Variants in MEGF8 observed in about 807,000 individuals in gnomAD.
MEGF8 encodes multiple epidermal growth factor-like domains protein 8.
MEGF8 carries 156 observed loss-of-function variants against 302.9 expected under a neutral mutation model. The observed-to-expected ratio is 0.52, with a 90% CI of 0.45 to 0.59. The LOEUF (loss-of-function observed/expected upper bound fraction) is 0.59. Ranked by LOEUF, MEGF8 falls within the 20% of genes least tolerant of loss-of-function variation. The pLI, the probability that MEGF8 is intolerant of heterozygous loss-of-function variation, is 0.00. For synonymous variants in MEGF8, 1,621 were observed against 1,660.5 expected (o/e 0.98, Z 0.58); for missense variants, 3,345 against 3,964.5 (o/e 0.84, Z 4.20).
Position 42,354,261 on chromosome 19 carries a change from A to G in MEGF8, c.4011+237A>G, listed in dbSNP as rs1322533396. 2.6e-5 allele frequency among the ~76,000 whole-genome samples: 4 copies of G among 151,668 alleles called. No individual in the cohort carries two copies. Among genetic ancestry groups the G allele is most frequent in the Non-Finnish European group, 5.9e-5 (4 of 67,958 alleles). The stretch of plus-strand genomic sequence containing the variant: ...TCAGCTCCCATCTCCAATTCTCCAG[A>G]TTCTCAATCTCCCCATTCCTAGAGC... On this transcript the variant is annotated intron_variant, in intron 22 of 41. Coordinates refer to ENST00000251268, the MANE Select transcript of MEGF8 (RefSeq NM_001271938.2). This position sits in a 1 kb window ranked among gnomAD's most constrained non-coding sequence, Gnocchi z 4.3.
At position 42,357,004 on chromosome 19, in the gene MEGF8, C is replaced by T; in HGVS notation, c.4830+23C>T. 1 of 1,549,326 alleles carries T rather than the reference C, an allele frequency of 6.5e-7. No homozygotes were observed. The highest frequency in any genetic ancestry group is 8.7e-7 in the Non-Finnish European group (1 of 1,146,378). ...AAGGTGAGCATCTCTCCCCAGCCCA[C>T]TCCCCAGCCCTCACACTGGGCCCTG... is the stretch of plus-strand genomic sequence containing the variant. On this transcript the variant is annotated intron_variant, in intron 27 of 41. Coordinates refer to ENST00000251268, the MANE Select transcript of MEGF8 (RefSeq NM_001271938.2). This position sits in a 1 kb window ranked among gnomAD's most constrained non-coding sequence, Gnocchi z 5.2.
chr19:42,347,362 G>C (rs1022345301), intron 12 of MEGF8, among the ~76,000 whole-genome samples: 17 of 148,974 alleles, frequency 1.1e-4, no homozygotes, highest in Non-Finnish European at 1.9e-4. Context: ...TATCGCCCAG[G>C]CTGGAGTGCA....
At position 42,369,037 on chromosome 19, in the gene MEGF8, T is replaced by C. The variant is rs1474912270; in HGVS notation, c.6641+35T>C. ...CAGGCGGCGCTGGGGCCAGGCAGGC[T>C]AGGGTGGGAGAGTCTGTGGGGAGCA... On this transcript the variant is annotated intron_variant, in intron 37 of 41. Transcript: ENST00000251268. The surrounding 1 kb of genome is among the most constrained non-coding windows in gnomAD (Gnocchi z 5.7). The C allele has an allele frequency of 2.5e-6, 4 of 1,607,262 alleles. No homozygotes were observed. The highest frequency in any genetic ancestry group is 1.7e-4 in the Middle Eastern group (1 of 6,042).
chr19:42,341,343 C>T (rs555134269), intron 8 of MEGF8, among the ~76,000 whole-genome samples: 6 of 149,570 alleles, frequency 4.0e-5, no homozygotes, highest in African/African-American at 1.2e-4. Context: ...GCAGGAGAAT[C>T]GCTTGAACCC....
chr19:42,361,130 C>T (rs564647845), intron 32 of MEGF8, 124 bp downstream of exon 32: 25 of 1,060,876 alleles, frequency 2.4e-5, no homozygotes, highest in Admixed American at 6.6e-5. Context: ...GGTGAATCAC[C>T]GCAGGCAGGG....
rs769560341 is a variant in MEGF8 at position 42,352,400 on chromosome 19, C to T, written c.3294C>T (p.Tyr1098=). Residue 1098 remains tyrosine (Y), a synonymous_variant, in exon 19 of 42, where the codon TAC becomes TAT. Transcript: ENST00000251268. This position sits in a 1 kb window ranked among gnomAD's most constrained non-coding sequence, Gnocchi z 4.4. ...RATCLNTPLS[Y]ECHCQRGYQG... is the part of the protein sequence containing the mutation. Reference sequence around the variant, plus strand: ...CCTGCCTGAACACGCCCCTCAGCTACGAGTGTCACTGCCAGCGGGGCTACC... The same window carrying T: ...CCTGCCTGAACACGCCCCTCAGCTATGAGTGTCACTGCCAGCGGGGCTACC... 2.1e-5 allele frequency: 33 copies of T among 1,598,110 alleles called. No homozygotes were observed. Among genetic ancestry groups the T allele is most frequent in the East Asian group, 4.5e-5 (2 of 44,150 alleles).
chr19:42,345,120 C>T (rs556206159), intron 12 of MEGF8, among the ~76,000 whole-genome samples: 1 of 152,134 alleles, frequency 6.6e-6, no homozygotes, highest in Admixed American at 6.5e-5. Flanking sequence ...TACAGATGCC[C>T]GCCACTGCGC....
rs777672123 is a variant in MEGF8, at chr19:42,344,069, G to A, written c.1784G>A (p.Gly595Glu). ...GCACCCCCTCCTGGGACCCCCTTGG[G>A]GGCTGTGAGTGACAGCCCTAGACCC... ...QAAPPPGTPLGACPAASCLGL... is the reference protein window; with the variant it reads ...QAAPPPGTPLEACPAASCLGL... The change falls in exon 10 of 42, where the codon GGG becomes GAG. Residue 595 changes from glycine (G) to glutamate (E), a missense_variant. Physicochemically the swap from Gly to Glu is moderately conservative, Grantham distance 98. Transcript: ENST00000251268. The surrounding 1 kb of genome is among the most constrained non-coding windows in gnomAD (Gnocchi z 4.5). The A allele has an allele frequency of 1.2e-6, 2 of 1,613,198 alleles. No individual in the cohort carries two copies. The highest frequency in any genetic ancestry group is 2.2e-5 in the South Asian group (2 of 91,084).
chr19:42,351,234 C>A lies in MEGF8; in HGVS notation c.2755C>A (p.His919Asn). ...CCCCCAGGACCCCTTCTGTGAGTGG[C>A]ATCAGAGCACCAGCCGCAAAGGGGA... Reference protein sequence around the residue: ...ACTQDPFCEWHQSTSRKGDAA... With the variant: ...ACTQDPFCEWNQSTSRKGDAA... Residue 919 changes from histidine (H) to asparagine (N), a missense_variant, in exon 16 of 42, where the codon CAT becomes AAT. Coordinates refer to ENST00000251268, the MANE Select transcript of MEGF8 (RefSeq NM_001271938.2). The surrounding 1 kb of genome is among the most constrained non-coding windows in gnomAD (Gnocchi z 5.6). 6.4e-7 allele frequency: 1 copy of A among 1,563,546 alleles called. No homozygotes were observed. Among genetic ancestry groups the A allele is most frequent in the East Asian group, 2.4e-5 (1 of 42,098 alleles).
chr19:42,364,211 T>C (rs1310383745), intron 35 of MEGF8, among the ~76,000 whole-genome samples: 4 of 152,154 alleles, frequency 2.6e-5, no homozygotes, highest in African/African-American at 9.7e-5. Flanking sequence ...CATGCTCTCT[T>C]GTTTCCAGAA....
chr19:42,356,162 G>C lies in MEGF8; in HGVS notation c.4472G>C (p.Trp1491Ser), dbSNP rs750229800. Residue 1491 changes from tryptophan to serine, a missense_variant, in exon 25 of 42, where the codon TGG (tryptophan) becomes TCG (serine). Physicochemically the swap from Trp to Ser is radical, Grantham distance 177. Coordinates refer to ENST00000251268, the MANE Select transcript of MEGF8 (RefSeq NM_001271938.2). The surrounding 1 kb of genome is among the most constrained non-coding windows in gnomAD (Gnocchi z 5.2). ...ATKLDGGQLV[W>S]ETLMDSRLSA... Reference sequence around the variant, plus strand: ...AAGCTGGATGGCGGGCAGCTGGTCTGGGAGACCCTCATGGACAGCCGCCTC... The same window carrying C: ...AAGCTGGATGGCGGGCAGCTGGTCTCGGAGACCCTCATGGACAGCCGCCTC... The C allele has an allele frequency of 7.0e-6, 11 of 1,561,322 alleles. No homozygotes were observed. In the East Asian group the frequency reaches 2.1e-4, roughly 30 times the overall value.
Position 42,344,012 on chromosome 19 carries a change from A to C in MEGF8, c.1727A>C (p.Glu576Ala). 1 of 1,613,748 alleles carries C rather than the reference A, an allele frequency of 6.2e-7. No individual in the cohort carries two copies. Among genetic ancestry groups the C allele is most frequent in the South Asian group, 1.1e-5 (1 of 91,080 alleles). Residue 576 changes from glutamate to alanine, a missense_variant, in exon 10 of 42, where the codon GAA becomes GCA. Transcript: ENST00000251268. This position sits in a 1 kb window ranked among gnomAD's most constrained non-coding sequence, Gnocchi z 4.5. ...CACAGCGTCTGCTCCCGGGACCCGG[A>C]ATGCAGTTGGTGCCAAGGAGCCTGC... ...TDHSVCSRDP[E>A]CSWCQGACQA...
chr19:42,376,511 C>A lies in MEGF8; in HGVS notation c.8274C>A (p.Ala2758=). Residue 2758 remains alanine, a synonymous_variant, in exon 42 of 42, where the codon GCC becomes GCA. Coordinates refer to ENST00000251268, the MANE Select transcript of MEGF8 (RefSeq NM_001271938.2). The surrounding 1 kb of genome is among the most constrained non-coding windows in gnomAD (Gnocchi z 8.2). ...GCTGCTGCCCACCAGCCATCCCCGC[C>A]ACCACTGCTGGGCTGCGAGCTGGGC... is the stretch of plus-strand genomic sequence containing the variant. ...GGGCCPPAIP[A]TTAGLRAGPI... is the part of the protein sequence containing the mutation. 1.3e-6 allele frequency: 2 copies of A among 1,582,204 alleles called. No individual in the cohort carries two copies. Among genetic ancestry groups the A allele is most frequent in the Non-Finnish European group, 1.7e-6 (2 of 1,167,246 alleles).
intron 41 of MEGF8, among the ~76,000 whole-genome samples, chr19:42,372,478 C>G (rs1484118685): frequency 1.3e-5 from 2 of 152,116 alleles, no homozygotes; most frequent in Non-Finnish European, 1.5e-5. Context: ...CTCCCCGCCA[C>G]CTTCTCTCTC....
At position 42,356,474 on chromosome 19, in the gene MEGF8, G is replaced by A. The variant is rs200938551; in HGVS notation, c.4622+21G>A. ...TACAGGTGAGGACTGCCCTGGGCAG[G>A]TGGGATTCGCAAATAAGAGAAGGTC... is the stretch of plus-strand genomic sequence containing the variant. On this transcript the variant is annotated intron_variant, in intron 26 of 41. Transcript: ENST00000251268. This position sits in a 1 kb window ranked among gnomAD's most constrained non-coding sequence, Gnocchi z 5.2. 1 of 1,544,644 alleles carries A rather than the reference G, an allele frequency of 6.5e-7. No individual in the cohort carries two copies. The highest frequency in any genetic ancestry group is 8.7e-7 in the Non-Finnish European group (1 of 1,144,336).
Position 42,352,848 on chromosome 19 carries a change from A to G in MEGF8, c.3351-80A>G. ...AACAGCCAGTGGCTTTGATGGTGTC[A>G]TGGTGGGTGGAGATGATGGGGTGCT... On this transcript the variant is annotated intron_variant, in intron 19 of 41. Transcript: ENST00000251268. The surrounding 1 kb of genome is among the most constrained non-coding windows in gnomAD (Gnocchi z 4.4). 1.9e-6 allele frequency: 2 copies of G among 1,068,996 alleles called. No individual in the cohort carries two copies. Among genetic ancestry groups the G allele is most frequent in the African/African-American group, 1.6e-5 (1 of 63,578 alleles). 66.2% of individuals were successfully genotyped at this position (1,068,996 alleles called of 1,614,324 possible).
Position 42,362,407 on chromosome 19 carries a change from G to T in MEGF8, c.5868G>T (p.Trp1956Cys), listed in dbSNP as rs1205847294. 13 of 1,613,840 alleles carry T rather than the reference G, an allele frequency of 8.1e-6. No individual in the cohort carries two copies. The highest frequency in any genetic ancestry group is 1.1e-5 in the Non-Finnish European group (13 of 1,179,890). ...AGGCGTCCACCCCCCGCTGTAAGTGGTGTACCAACTGCCCCGAAGGTGCTT... is the reference window on the plus strand; with the variant it reads ...AGGCGTCCACCCCCCGCTGTAAGTGTTGTACCAACTGCCCCGAAGGTGCTT... ...DGEASTPRCK[W>C]CTNCPEGACI... The change falls in exon 34 of 42, where the codon TGG becomes TGT. Residue 1956 changes from tryptophan (W) to cysteine (C), a missense_variant. Transcript: ENST00000251268.
rs1200394487 is a variant in MEGF8, at chr19:42,353,394, G to C, written c.3551-71G>C. The stretch of plus-strand genomic sequence containing the variant: ...AGCGGCTGGGTGGGGTCAGGGTTTA[G>C]CTGAGCCAGTAGGCCTGGGCCTGTT... On this transcript the variant is annotated intron_variant, in intron 20 of 41. Transcript: ENST00000251268. This position sits in a 1 kb window ranked among gnomAD's most constrained non-coding sequence, Gnocchi z 6.1. The C allele has an allele frequency of 3.3e-6, 5 of 1,525,038 alleles. No homozygotes were observed. Among genetic ancestry groups the C allele is most frequent in the Middle Eastern group, 2.3e-4 (1 of 4,282 alleles). 94.5% of individuals were successfully genotyped at this position (1,525,038 alleles called of 1,614,324 possible). A position where few individuals can be genotyped will look rare whatever the true frequency, so the allele number is the denominator to read the frequency against.
chr19:42,336,291 C>G lies in MEGF8; in HGVS notation c.1189C>G (p.His397Asp). The change falls in exon 6 of 42, where the codon CAT becomes GAT. Residue 397 changes from histidine to aspartate, a missense_variant. Coordinates refer to ENST00000251268, the MANE Select transcript of MEGF8 (RefSeq NM_001271938.2). The surrounding 1 kb of genome is among the most constrained non-coding windows in gnomAD (Gnocchi z 4.8). ...PAATGHSMVF[H>D]APSRALLVHG... is the part of the protein sequence containing the mutation. ...TGCCACTGGCCACTCCATGGTGTTCCATGCCCCCTCCCGTGCCCTGCTGGT... is the reference window on the plus strand; with the variant it reads ...TGCCACTGGCCACTCCATGGTGTTCGATGCCCCCTCCCGTGCCCTGCTGGT... The G allele has an allele frequency of 1.2e-6, 2 of 1,608,150 alleles. No homozygotes were observed. Among genetic ancestry groups the G allele is most frequent in the Non-Finnish European group, 1.7e-6 (2 of 1,179,600 alleles).
Sources: gnomAD v4.1 joint callset for allele counts (sites outside exome capture counted in the v4.1 genomes callset) on GRCh38, gnomAD v4.1.1 for gene constraint, Gnocchi (gnomAD v3.1) non-coding constraint, MANE v1.5 for transcripts, NCBI Gene and HGNC (gene_info 2026-07-23, HGNC 2026-07-21) for gene names.